The following FTO variants were observed in gnomAD, a reference collection of about 807,000 sequenced individuals.
FTO encodes alpha-ketoglutarate-dependent dioxygenase FTO.
In FTO, 47 loss-of-function variants were observed where a neutral mutation model predicts 63.9. The observed-to-expected ratio is 0.74, with a 90% CI of 0.58 to 0.94. The LOEUF (loss-of-function observed/expected upper bound fraction) is 0.94. Ranked by LOEUF, FTO falls within the 40% of genes least tolerant of loss-of-function variation. The probability of loss-of-function intolerance (pLI) is 0.00; values close to 1 mark genes in which losing one functional copy is unlikely to be tolerated. For missense variants in FTO, 562 were observed against 618.1 expected (o/e 0.91, Z 0.96); for synonymous variants, 207 against 224.4 (o/e 0.92, Z 0.69).
chr16:53,928,878 C>A (rs1807598700), intron 7 of FTO, among the ~76,000 whole-genome samples: 1 of 151,826 alleles, frequency 6.6e-6, no homozygotes, highest in African/African-American at 2.4e-5. Flanking sequence ...GGAGTCTGCT[C>A]TGTTGCCCAG....
intron 1 of FTO, among the ~76,000 whole-genome samples, chr16:53,729,529 G>A (rs1041168171): frequency 1.7e-4 from 25 of 151,152 alleles, no homozygotes; most frequent in African/African-American, 5.4e-4. Flanking sequence ...TAAAATGACC[G>A]TGTCACTCCA....
intron 4 of FTO, among the ~76,000 whole-genome samples, chr16:53,859,055 G>T (rs2080093816): frequency 6.6e-6 from 1 of 152,200 alleles, no homozygotes; most frequent in Non-Finnish European, 1.5e-5. Flanking sequence ...CTTCCCAGGA[G>T]ACTGCAGAGT....
At chr16:54,006,351 C>G (rs1410944410) in intron 8 of FTO, among the ~76,000 whole-genome samples, 3 of 152,260 alleles carry the variant, frequency 2.0e-5, no homozygotes, top group African/African-American at 7.2e-5. Flanking sequence ...AGATTTGGAT[C>G]AGAAAGATTC....
At chr16:54,021,160 C>G (rs762519121) in intron 8 of FTO, among the ~76,000 whole-genome samples, 8 of 152,154 alleles carry the variant, frequency 5.3e-5, no homozygotes, top group Non-Finnish European at 1.2e-4. Flanking sequence ...TCTATCCCTT[C>G]TTTTCTTTGT....
At chr16:53,744,849 A>C in intron 1 of FTO, among the ~76,000 whole-genome samples, 1 of 148,080 alleles carries the variant, frequency 6.8e-6, no homozygotes. Context: ...TATGAATCTC[A>C]TTGTAGAGCT....
intron 8 of FTO, among the ~76,000 whole-genome samples, chr16:53,961,730 A>C (rs954261745): frequency 6.6e-6 from 1 of 152,208 alleles, no homozygotes; most frequent in African/African-American, 2.4e-5. Flanking sequence ...TTCAGTCAGC[A>C]TATGTTGGGA....
At chr16:54,102,574 G>A (rs1425098847) in intron 8 of FTO, among the ~76,000 whole-genome samples, 3 of 152,084 alleles carry the variant, frequency 2.0e-5, no homozygotes, top group Admixed American at 1.3e-4. Context: ...TGATGTTCAT[G>A]GCTATTTCAC....
At chr16:54,021,414 T>A (rs950824658) in intron 8 of FTO, among the ~76,000 whole-genome samples, 4 of 151,698 alleles carry the variant, frequency 2.6e-5, no homozygotes, top group Admixed American at 1.3e-4. Context: ...TGGCTATACA[T>A]GGCCATGTAG....
chr16:53,931,298 C>CT (rs869204000), intron 7 of FTO, among the ~76,000 whole-genome samples: 2,919 of 101,834 alleles, frequency 0.029, 89 homozygotes, highest in African/African-American at 0.068. Flanking sequence ...AACTATGTGA[C>CT]TTTTTTTTTT....
intron 7 of FTO, among the ~76,000 whole-genome samples, chr16:53,925,319 A>G (rs554668808): frequency 6.6e-6 from 1 of 152,342 alleles, no homozygotes; most frequent in South Asian, 2.1e-4. Context: ...CTATGTATAT[A>G]AAAAGTGTTG....
chr16:53,920,247 C>G (rs185256430), intron 7 of FTO, among the ~76,000 whole-genome samples: 57 of 152,266 alleles, frequency 3.7e-4, no homozygotes, highest in Non-Finnish European at 6.6e-4. Context: ...TAAATATCCT[C>G]ATTTTACACA....
chr16:54,005,043 C>G (rs2084164741), intron 8 of FTO, among the ~76,000 whole-genome samples: 1 of 146,202 alleles, frequency 6.8e-6, no homozygotes, highest in African/African-American at 2.5e-5. Context: ...GCACTCCAGC[C>G]TGGGCCACAG....
chr16:53,950,160 A>AAAAAAAAAAAAAAAAAAAAC (rs1567466162), intron 8 of FTO, among the ~76,000 whole-genome samples: 6 of 115,660 alleles, frequency 5.2e-5, no homozygotes, highest in Admixed American at 8.3e-5. Flanking sequence ...ATTTGTAAAA[A>AAAAAAAAAAAAAAAAAAAAC]AAAAAAAAAA....
At chr16:53,965,590 T>C (rs757294541) in intron 8 of FTO, 3 of 152,236 alleles carry the variant, frequency 2.0e-5, no homozygotes, top group African/African-American at 4.8e-5. Flanking sequence ...ACTTCCTTGC[T>C]CCCTGCCTAA....
intron 6 of FTO, among the ~76,000 whole-genome samples, chr16:53,881,390 AC>A (rs943819508): frequency 1.3e-5 from 2 of 152,136 alleles, no homozygotes; most frequent in Admixed American, 1.3e-4. Flanking sequence ...CTATATGCAC[AC>A]CTGCCCTTTG....
chr16:53,821,066 T>C (rs1348803711), intron 2 of FTO, among the ~76,000 whole-genome samples: 1 of 152,202 alleles, frequency 6.6e-6, no homozygotes, highest in Admixed American at 6.6e-5. Flanking sequence ...TATAGGGTTA[T>C]AATTTCCCCA....
In FTO at chr16:53,831,463, G is replaced by GA. The variant is rs397745790; in HGVS notation, c.751+4978dup. Among the ~76,000 whole-genome samples, 575 of 151,392 alleles carry GA rather than the reference G, an allele frequency of 3.8e-3. 4 individuals are homozygous for GA. The highest frequency in any genetic ancestry group is 0.013 in the African/African-American group (556 of 41,218). On this transcript the variant is annotated intron_variant, in intron 3 of 8. Transcript: ENST00000471389. ...GGCTCACAAGAAGACCAAAGGGGGG[G>GA]AAAAAACTTATTTGATCTACAAAGT...
intron 7 of FTO, among the ~76,000 whole-genome samples, chr16:53,930,589 C>T (rs2082258580): frequency 6.6e-6 from 1 of 151,904 alleles, no homozygotes; most frequent in Non-Finnish European, 1.5e-5. Flanking sequence ...AAAAATGAGC[C>T]AATTATCATA....
chr16:53,759,928 C>T (rs2077015597), intron 1 of FTO, among the ~76,000 whole-genome samples: 1 of 151,856 alleles, frequency 6.6e-6, no homozygotes, highest in South Asian at 2.1e-4. Flanking sequence ...TTCCTTGGGC[C>T]AATGCTTCAG....
Sources: gnomAD v4.1 joint callset for allele counts (sites outside exome capture counted in the v4.1 genomes callset) on GRCh38, gnomAD v4.1.1 for gene constraint, MANE v1.5 for transcripts, NCBI Gene and HGNC (gene_info 2026-07-23, HGNC 2026-07-21) for gene names.